The following ARHGAP22 variants were observed in gnomAD, a reference collection of about 807,000 sequenced individuals.
The protein encoded by ARHGAP22 is Rho GTPase activating protein 22.
Under a neutral mutation model 59.1 loss-of-function variants are expected in ARHGAP22, and 48 were observed. The observed-to-expected ratio is 0.81, with a 90% CI of 0.64 to 1.03. The LOEUF (loss-of-function observed/expected upper bound fraction) is 1.03, where lower values mean the gene tolerates loss of function less well. Among genes scored for constraint, ARHGAP22 ranks in the 50% least tolerant of loss-of-function variants. The probability of loss-of-function intolerance (pLI) is 0.00; values close to 1 mark genes in which losing one functional copy is unlikely to be tolerated. For synonymous variants in ARHGAP22, 445 were observed against 416.4 expected (o/e 1.07, Z -0.84); for missense variants, 1,015 against 958.7 (o/e 1.06, Z -0.78).
chr10:48,524,787 C>T (rs927561484), intron 3 of ARHGAP22, among the ~76,000 whole-genome samples: 1 of 152,118 alleles, frequency 6.6e-6, no homozygotes, highest in African/African-American at 2.4e-5. Context: ...AGTCATCTCC[C>T]CTCTGAGACT....
At chr10:48,578,305 C>T (rs2058884072) in intron 2 of ARHGAP22, among the ~76,000 whole-genome samples, 1 of 152,114 alleles carries the variant, frequency 6.6e-6, no homozygotes. Flanking sequence ...AATAAATCAG[C>T]AGCCTCTCCC....
chr10:48,554,012 T>C (rs1373695648), intron 3 of ARHGAP22, among the ~76,000 whole-genome samples: 1 of 152,198 alleles, frequency 6.6e-6, no homozygotes, highest in Non-Finnish European at 1.5e-5. Flanking sequence ...CTGAGGCCTT[T>C]TCTCCTGGTT....
intron 1 of ARHGAP22, among the ~76,000 whole-genome samples, chr10:48,618,385 C>G (rs1318101995): frequency 1.3e-5 from 2 of 151,864 alleles, no homozygotes; most frequent in Non-Finnish European, 2.9e-5. Flanking sequence ...GATAAGGACA[C>G]AATAACAACA....
chr10:48,586,392 G>A (rs574595597), intron 1 of ARHGAP22, among the ~76,000 whole-genome samples: 79 of 152,162 alleles, frequency 5.2e-4, no homozygotes, highest in Admixed American at 1.2e-3. Flanking sequence ...TAACTGCAGA[G>A]TGCTTAGACG....
At chr10:48,514,506 A>G (rs1416502398) in intron 3 of ARHGAP22, among the ~76,000 whole-genome samples, 10 of 152,194 alleles carry the variant, frequency 6.6e-5, no homozygotes, top group African/African-American at 1.9e-4. Context: ...ACCATCATTC[A>G]TAAATGGAGA....
intron 3 of ARHGAP22, among the ~76,000 whole-genome samples, chr10:48,539,568 G>A (rs1334578390): frequency 6.6e-6 from 1 of 152,022 alleles, no homozygotes; most frequent in African/African-American, 2.4e-5. Context: ...TGGGATTACA[G>A]GCGTGAGCCA....
At chr10:48,617,542 T>A (rs986873925) in intron 1 of ARHGAP22, among the ~76,000 whole-genome samples, 5 of 151,962 alleles carry the variant, frequency 3.3e-5, no homozygotes, top group Non-Finnish European at 7.4e-5. Flanking sequence ...AAATCAATTA[T>A]AAGAGGAGCT....
intron 2 of ARHGAP22, 195 bp downstream of exon 2, chr10:48,582,758 G>A: frequency 1.6e-6 from 1 of 622,944 alleles, no homozygotes; most frequent in Admixed American, 3.2e-5. Flanking sequence ...AGAAGTTGTG[G>A]ACATGTTCCA....
chr10:48,533,705 C>T (rs748103281), intron 3 of ARHGAP22, among the ~76,000 whole-genome samples: 1 of 152,188 alleles, frequency 6.6e-6, no homozygotes. Context: ...ATCGACACTA[C>T]GTAAATGAAT....
intron 2 of ARHGAP22, among the ~76,000 whole-genome samples, chr10:48,562,283 G>A (rs943221193): frequency 1.8e-4 from 8 of 43,390 alleles, no homozygotes; most frequent in African/African-American, 3.9e-4. Context: ...CAGCCATTCC[G>A]CTCCTACATA....
At chr10:48,523,423 C>G (rs1158709353) in intron 3 of ARHGAP22, among the ~76,000 whole-genome samples, 1 of 152,124 alleles carries the variant, frequency 6.6e-6, no homozygotes, top group Admixed American at 6.5e-5. Context: ...CCCCAGCCCC[C>G]GGGAGGCCGG....
intron 3 of ARHGAP22, among the ~76,000 whole-genome samples, chr10:48,536,405 C>T (rs982753900): frequency 3.3e-5 from 5 of 152,212 alleles, no homozygotes; most frequent in Admixed American, 3.3e-4. Flanking sequence ...CTTGTGCCCT[C>T]GCCACTATTT....
rs563848204 is a variant in ARHGAP22 at position 48,534,055 on chromosome 10, C to A, written c.322+21408G>T. Among the ~76,000 whole-genome samples the A allele has an allele frequency of 1.1e-4, 17 of 152,346 alleles. No individual in the cohort carries two copies. The South Asian group carries it at 1.7e-3, about 15-fold the overall frequency. ...GCCAGTGAGAGTGCATTCTCTGGCA[C>A]ACTGGCAGTGCCCACTCCTTGGAGG... On this transcript the variant is annotated intron_variant, in intron 3 of 9. Coordinates refer to ENST00000249601, the MANE Select transcript of ARHGAP22 (RefSeq NM_021226.4).
At chr10:48,651,021 C>T (rs1368482957) in intron 1 of ARHGAP22, among the ~76,000 whole-genome samples, 6 of 152,230 alleles carry the variant, frequency 3.9e-5, no homozygotes, top group African/African-American at 1.2e-4. Context: ...AGAAAAGGGG[C>T]TCTGTGGAGT....
chr10:48,497,696 T>C (rs374750667), intron 3 of ARHGAP22, among the ~76,000 whole-genome samples: 1 of 152,116 alleles, frequency 6.6e-6, no homozygotes, highest in East Asian at 1.9e-4. Flanking sequence ...GGTCTCACCA[T>C]CCACCTGCCC....
intron 2 of ARHGAP22, among the ~76,000 whole-genome samples, chr10:48,559,444 A>T (rs937710783): frequency 1.3e-5 from 2 of 152,230 alleles, no homozygotes; most frequent in Non-Finnish European, 2.9e-5. Context: ...CATTGGTGTA[A>T]GTAGCTAATG....
intron 3 of ARHGAP22, among the ~76,000 whole-genome samples, chr10:48,492,276 T>A (rs940730280): frequency 7.2e-5 from 11 of 152,130 alleles, no homozygotes; most frequent in African/African-American, 2.2e-4. Flanking sequence ...AACTTTTTTT[T>A]AAAAAAATAT....
chr10:48,500,212 C>T lies in ARHGAP22; in HGVS notation c.323-20448G>A, dbSNP rs572807808. 3.5e-4 allele frequency among the ~76,000 whole-genome samples: 53 copies of T among 152,258 alleles called. 1 individual carries two copies. Among genetic ancestry groups the T allele is most frequent in the African/African-American group, 1.2e-3 (49 of 41,552 alleles). ...TTAAAAAATTAGCCACGTGTGGTGG[C>T]GCACACCTGTAATCCCAGCTATGCA... is the stretch of plus-strand genomic sequence containing the variant. On this transcript the variant is annotated intron_variant, in intron 3 of 9. Coordinates refer to ENST00000249601, the MANE Select transcript of ARHGAP22 (RefSeq NM_021226.4).
At chr10:48,614,345 T>C (rs2061002238) in intron 1 of ARHGAP22, among the ~76,000 whole-genome samples, 1 of 152,168 alleles carries the variant, frequency 6.6e-6, no homozygotes, top group Non-Finnish European at 1.5e-5. Flanking sequence ...TTAACAAGAA[T>C]AGATTCATTG....
Sources: gnomAD v4.1 joint callset for allele counts (sites outside exome capture counted in the v4.1 genomes callset) on GRCh38, gnomAD v4.1.1 for gene constraint, MANE v1.5 for transcripts, NCBI Gene and HGNC (gene_info 2026-07-23, HGNC 2026-07-21) for gene names.